The following RALYL variants were observed in gnomAD, a reference collection of about 807,000 sequenced individuals.
RALYL encodes the protein RALY RNA binding protein like.
In RALYL, 29 loss-of-function variants were observed where a neutral mutation model predicts 35.1. That is an observed-to-expected ratio of 0.83 (90% confidence interval 0.61 to 1.13). The LOEUF (loss-of-function observed/expected upper bound fraction) is 1.13. Among genes scored for constraint, RALYL ranks in the 50% most tolerant of loss-of-function variants. The pLI, the probability that RALYL is intolerant of heterozygous loss-of-function variation, is 0.00. For missense variants in RALYL, 359 were observed against 360.4 expected (o/e 1.00, Z 0.03); for synonymous variants, 120 against 127.6 (o/e 0.94, Z 0.40).
chr8:84,736,349 T>A (rs1393684059), intron 2 of RALYL, among the ~76,000 whole-genome samples: 1 of 152,066 alleles, frequency 6.6e-6, no homozygotes, highest in Non-Finnish European at 1.5e-5. Context: ...ATCTTCTCTT[T>A]CTAGTAAGTA....
At chr8:84,335,696 T>A (rs138154949) in intron 1 of RALYL, among the ~76,000 whole-genome samples, 3 of 147,704 alleles carry the variant, frequency 2.0e-5, no homozygotes, top group Non-Finnish European at 4.4e-5. Context: ...TTCTAATATA[T>A]GTGTTTTCTT....
At chr8:84,785,762 C>T (rs1819293917) in intron 3 of RALYL, among the ~76,000 whole-genome samples, 1 of 151,868 alleles carries the variant, frequency 6.6e-6, no homozygotes, top group Non-Finnish European at 1.5e-5. Flanking sequence ...GTATGGTGCA[C>T]CTATTAGATG....
At chr8:84,639,179 G>A (rs1213216630) in intron 2 of RALYL, among the ~76,000 whole-genome samples, 1 of 151,468 alleles carries the variant, frequency 6.6e-6, no homozygotes, top group African/African-American at 2.4e-5. Context: ...TTTAATTAAA[G>A]CTACAGTTGC....
intron 2 of RALYL, among the ~76,000 whole-genome samples, chr8:84,660,168 A>T (rs1330028437): frequency 6.6e-6 from 1 of 152,172 alleles, no homozygotes; most frequent in Non-Finnish European, 1.5e-5. Context: ...ACCCTATTGA[A>T]GAAAAGATAT....
chr8:84,817,729 C>A (rs987404458), intron 4 of RALYL, among the ~76,000 whole-genome samples: 4 of 151,764 alleles, frequency 2.6e-5, no homozygotes, highest in African/African-American at 9.7e-5. Flanking sequence ...TAATTCTTAT[C>A]TTTTCTAGAA....
chr8:84,715,641 T>C (rs1842849117), intron 2 of RALYL, among the ~76,000 whole-genome samples: 1 of 152,040 alleles, frequency 6.6e-6, no homozygotes, highest in Non-Finnish European at 1.5e-5. Flanking sequence ...ATGAAAGGTT[T>C]CCAGAACTTA....
rs78254998 is a variant in RALYL, at chr8:84,335,728, T to C, written c.-24+151304T>C. Among the ~76,000 whole-genome samples, 7 of 140,860 alleles carry C rather than the reference T, an allele frequency of 5.0e-5. No homozygotes were observed. The South Asian group carries it at 6.5e-4, about 13-fold the overall frequency. 92.4% of individuals were successfully genotyped at this position (140,860 alleles called of 152,430 possible). ...TCTTACCTTTTTTTTTTTTTTTTTT[T>C]CCAAGACCTGATTTTGCCAAATCAT... On this transcript the variant is annotated intron_variant, in intron 1 of 8. Coordinates refer to ENST00000521268, the MANE Select transcript of RALYL (RefSeq NM_173848.7).
chr8:84,622,423 G>T (rs939600793), intron 2 of RALYL, among the ~76,000 whole-genome samples: 15 of 152,182 alleles, frequency 9.9e-5, no homozygotes, highest in African/African-American at 3.6e-4. Context: ...GCCAGGCTAT[G>T]TTCTAAGTAT....
intron 2 of RALYL, among the ~76,000 whole-genome samples, chr8:84,620,862 G>C (rs1318240760): frequency 6.6e-6 from 1 of 152,154 alleles, no homozygotes; most frequent in Non-Finnish European, 1.5e-5. Context: ...CGTGTGAGGT[G>C]TCAGTGTGCC....
At chr8:84,217,022 A>G (rs1455457872) in intron 1 of RALYL, among the ~76,000 whole-genome samples, 1 of 152,148 alleles carries the variant, frequency 6.6e-6, no homozygotes, top group Non-Finnish European at 1.5e-5. Context: ...CAACTTTGTA[A>G]TGACAACACA....
At chr8:84,402,364 C>T (rs929630727) in intron 1 of RALYL, among the ~76,000 whole-genome samples, 1 of 152,014 alleles carries the variant, frequency 6.6e-6, no homozygotes, top group Non-Finnish European at 1.5e-5. Flanking sequence ...TTTTTAATAT[C>T]CTTTCTTGCT....
chr8:84,707,429 T>A (rs535417106), intron 2 of RALYL, among the ~76,000 whole-genome samples: 182 of 152,266 alleles, frequency 1.2e-3, no homozygotes, highest in Non-Finnish European at 2.2e-3. Flanking sequence ...TCCCTCATTT[T>A]TTTTCCTTGT....
intron 3 of RALYL, among the ~76,000 whole-genome samples, chr8:84,804,057 T>A (rs1292337131): frequency 6.6e-6 from 1 of 152,258 alleles, no homozygotes; most frequent in Non-Finnish European, 1.5e-5. Context: ...TACTTACATG[T>A]TGTAAAAAAA....
chr8:84,407,064 AC>A lies in RALYL; in HGVS notation c.-23-122234del, dbSNP rs1418408696. Among the ~76,000 whole-genome samples, 103 of 148,510 alleles carry A rather than the reference AC, an allele frequency of 6.9e-4. 1 individual carries two copies. The highest frequency in any genetic ancestry group is 2.9e-3 in the Admixed American group (43 of 14,960). ...CACACACACTCACACACACACACACACACAAACACACACACACACACAAGAA... is the reference window on the plus strand; with the variant it reads ...CACACACACTCACACACACACACACAACAAACACACACACACACACAAGAA... On this transcript the variant is annotated intron_variant, in intron 1 of 8. Coordinates refer to ENST00000521268, the MANE Select transcript of RALYL (RefSeq NM_173848.7).
chr8:84,493,239 A>G (rs1027377633), intron 1 of RALYL, among the ~76,000 whole-genome samples: 2 of 152,164 alleles, frequency 1.3e-5, no homozygotes, highest in African/African-American at 4.8e-5. Flanking sequence ...CCTGCAAAGG[A>G]CATGATCTCA....
intron 1 of RALYL, among the ~76,000 whole-genome samples, chr8:84,192,906 T>TCG (rs1554564124): frequency 1.2e-3 from 69 of 59,452 alleles, no homozygotes; most frequent in Admixed American, 3.7e-3. Flanking sequence ...TGTGTGTGTG[T>TCG]GGGGGGGGGG....
intron 1 of RALYL, among the ~76,000 whole-genome samples, chr8:84,309,771 CA>C (rs1456162400): frequency 6.6e-6 from 1 of 152,124 alleles, no homozygotes; most frequent in African/African-American, 2.4e-5. Context: ...AAAGAAATCT[CA>C]GAGCTAAGTG....
At chr8:84,300,289 G>A (rs944184347) in intron 1 of RALYL, among the ~76,000 whole-genome samples, 1 of 151,792 alleles carries the variant, frequency 6.6e-6, no homozygotes, top group Non-Finnish European at 1.5e-5. Context: ...TTGTTGCACT[G>A]TAGTCTGAGA....
At chr8:84,584,573 A>C (rs984186691) in intron 2 of RALYL, among the ~76,000 whole-genome samples, 1 of 151,750 alleles carries the variant, frequency 6.6e-6, no homozygotes, top group Middle Eastern at 3.4e-3. Context: ...ACTGCACTCC[A>C]GCCTGGCAAC....
Sources: gnomAD v4.1 joint callset for allele counts (sites outside exome capture counted in the v4.1 genomes callset) on GRCh38, gnomAD v4.1.1 for gene constraint, MANE v1.5 for transcripts, NCBI Gene and HGNC (gene_info 2026-07-23, HGNC 2026-07-21) for gene names.